Variants in MAF observed in about 807,000 individuals in gnomAD.
MAF encodes transcription factor Maf.
A neutral mutation model predicts 22.0 loss-of-function variants in MAF; 10 were observed. That is an observed-to-expected ratio of 0.45 (90% CI 0.28 to 0.77). The LOEUF (loss-of-function observed/expected upper bound fraction) is 0.77, where lower values mean the gene tolerates loss of function less well. Among genes scored for constraint, MAF ranks in the 30% least tolerant of loss-of-function variants. The pLI is 0.12. For missense variants in MAF, 544 were observed against 548.4 expected, an observed-to-expected ratio of 0.99 and a Z score of 0.08; for synonymous variants, 337 against 255.8, an observed-to-expected ratio of 1.32 and a Z score of -3.03.
chr16:79,590,628 G>A (rs1203747089), downstream of MAF, among the ~76,000 whole-genome samples: 1 of 152,052 alleles, frequency 6.6e-6, no homozygotes, highest in African/African-American at 2.4e-5. Flanking sequence ...GTTGTTTCTA[G>A]GACTCTGTGG....
chr16:79,298,639 G>T, the MAF span, among the ~76,000 whole-genome samples: 4 of 152,348 alleles, frequency 2.6e-5, no homozygotes, highest in Middle Eastern at 3.4e-3. Flanking sequence ...AAAGACCCAG[G>T]GAAGAACTCA....
At chr16:79,466,376 T>G in the MAF span, among the ~76,000 whole-genome samples, 1 of 152,222 alleles carries the variant, frequency 6.6e-6, no homozygotes, top group Non-Finnish European at 1.5e-5. Flanking sequence ...TGCCTCACTC[T>G]CAGTAATGGT....
At chr16:79,223,784 T>C in the MAF span, among the ~76,000 whole-genome samples, 73,580 of 151,834 alleles carry the variant, frequency 0.48, 19,387 homozygotes, top group Non-Finnish European at 0.61. Context: ...TTCCTGGACA[T>C]ATACACCCTC....
the MAF span, among the ~76,000 whole-genome samples, chr16:79,374,457 G>A: frequency 2.6e-5 from 4 of 152,018 alleles, no homozygotes; most frequent in African/African-American, 4.8e-5. Context: ...CCTGAATTGC[G>A]GCAATTGCTG....
the MAF span, among the ~76,000 whole-genome samples, chr16:79,224,246 C>A: frequency 6.6e-6 from 1 of 152,104 alleles, no homozygotes; most frequent in Non-Finnish European, 1.5e-5. Flanking sequence ...ATAAACAGAA[C>A]GGATGATAAA....
At chr16:79,442,009 A>G in the MAF span, among the ~76,000 whole-genome samples, 1 of 152,332 alleles carries the variant, frequency 6.6e-6, no homozygotes, top group South Asian at 2.1e-4. Context: ...ACAGCCATGG[A>G]GTGCCAAAGA....
chr16:79,318,968 A>G, the MAF span, among the ~76,000 whole-genome samples: 2 of 150,964 alleles, frequency 1.3e-5, no homozygotes, highest in Non-Finnish European at 2.9e-5. Context: ...CACACACACA[A>G]ATTGAGAGGC....
At chr16:79,371,125 T>G in the MAF span, among the ~76,000 whole-genome samples, 1 of 122,522 alleles carries the variant, frequency 8.2e-6, no homozygotes, top group Non-Finnish European at 1.7e-5. Context: ...AAACATTCAT[T>G]CACATTTTTT....
the MAF span, among the ~76,000 whole-genome samples, chr16:79,508,832 C>G: frequency 6.6e-6 from 1 of 152,226 alleles, no homozygotes; most frequent in Middle Eastern, 3.4e-3. Flanking sequence ...TAGAGACAGA[C>G]AGTAGATTAA....
the MAF span, among the ~76,000 whole-genome samples, chr16:79,361,543 C>T: frequency 6.6e-6 from 1 of 152,312 alleles, no homozygotes; most frequent in Admixed American, 6.5e-5. Flanking sequence ...GTGAGCCATG[C>T]TAGCCGGCTG....
At chr16:79,546,287 T>A in the MAF span, among the ~76,000 whole-genome samples, 4 of 122,514 alleles carry the variant, frequency 3.3e-5, no homozygotes, top group Admixed American at 3.3e-4. Flanking sequence ...AAAATCAAAA[T>A]CAATAAGAGA....
At chr16:79,557,707 C>A in the MAF span, among the ~76,000 whole-genome samples, 2 of 152,010 alleles carry the variant, frequency 1.3e-5, no homozygotes, top group South Asian at 2.1e-4. Flanking sequence ...AGTTATGATT[C>A]CAAAGACAAA....
the MAF span, among the ~76,000 whole-genome samples, chr16:79,299,222 C>A: frequency 6.6e-6 from 1 of 152,152 alleles, no homozygotes; most frequent in Non-Finnish European, 1.5e-5. Flanking sequence ...GGAAATCCCA[C>A]CTCCCATTAA....
chr16:79,334,673 C>T, the MAF span, among the ~76,000 whole-genome samples: 1 of 152,206 alleles, frequency 6.6e-6, no homozygotes. Flanking sequence ...AAGTGTGGGG[C>T]CCTGCATTGT....
the MAF span, among the ~76,000 whole-genome samples, chr16:79,544,010 G>A: frequency 6.6e-6 from 1 of 152,088 alleles, no homozygotes; most frequent in Non-Finnish European, 1.5e-5. Flanking sequence ...TTGTACCAAG[G>A]TAGAGAGACA....
At chr16:79,504,110 A>T in the MAF span, among the ~76,000 whole-genome samples, 1 of 152,216 alleles carries the variant, frequency 6.6e-6, no homozygotes, top group African/African-American at 2.4e-5. Context: ...AAAATTAAAT[A>T]TTCAGATGTG....
At chr16:79,424,184 G>T in the MAF span, among the ~76,000 whole-genome samples, 1 of 152,170 alleles carries the variant, frequency 6.6e-6, no homozygotes, top group Non-Finnish European at 1.5e-5. Flanking sequence ...GAAGGAAAGG[G>T]CAAGATTTTG....
chr16:79,213,836 A>G, the MAF span, among the ~76,000 whole-genome samples: 1 of 152,254 alleles, frequency 6.6e-6, no homozygotes, highest in Non-Finnish European at 1.5e-5. Context: ...TCAGGATTAC[A>G]TGTTACTCAG....
chr16:79,320,491 G>A, the MAF span, among the ~76,000 whole-genome samples: 2 of 152,182 alleles, frequency 1.3e-5, no homozygotes, highest in Non-Finnish European at 2.9e-5. Context: ...GGGCTCTGAG[G>A]GCAGCAGCAC....
Sources: gnomAD v4.1 joint callset for allele counts (sites outside exome capture counted in the v4.1 genomes callset) on GRCh38, gnomAD v4.1.1 for gene constraint, MANE v1.5 for transcripts, NCBI Gene and HGNC (gene_info 2026-07-23, HGNC 2026-07-21) for gene names.